RHOBTB2: variants seen among roughly 807,000 people sequenced by gnomAD.
RHOBTB2 encodes Rho related BTB domain containing 2.
A neutral mutation model predicts 66.5 loss-of-function variants in RHOBTB2; 39 were observed. The observed-to-expected ratio is 0.59, with a 90% confidence interval of 0.45 to 0.77. RHOBTB2 has a LOEUF of 0.77. Ranked by LOEUF, RHOBTB2 falls within the 30% of genes least tolerant of loss-of-function variation. The pLI is 0.00. For synonymous variants in RHOBTB2, 390 were observed against 395.0 expected, an observed-to-expected ratio of 0.99 and a Z score of 0.15; for missense variants, 755 against 999.1, an observed-to-expected ratio of 0.76 and a Z score of 3.29.
Position 23,017,297 on chromosome 8 carries a change from A to T in RHOBTB2, c.2012A>T (p.Tyr671Phe). 6.2e-7 allele frequency: 1 copy of T among 1,614,120 alleles called. No individual in the cohort carries two copies. The change falls in exon 10 of 10, where the codon TAC becomes TTC. Residue 671 changes from tyrosine to phenylalanine, a missense_variant. Physicochemically the swap from Tyr to Phe is conservative, Grantham distance 22. Around this residue, in one of 7 missense-constraint regions of RHOBTB2, gnomAD observed 353 missense variants for 458.2 expected, o/e 0.77. Coordinates refer to ENST00000251822, the MANE Select transcript of RHOBTB2 (RefSeq NM_015178.3). The surrounding 1 kb of genome is among the most constrained non-coding windows in gnomAD (Gnocchi z 5.3). ...FEKHRWPPVW[Y>F]LKEEDHYQRA... ...AAGCATCGGTGGCCACCTGTGTGGT[A>T]CCTGAAGGAGGAAGATCATTACCAG...
At chr8:22,965,499 G>C in the RHOBTB2 span, among the ~76,000 whole-genome samples, 1 of 152,160 alleles carries the variant, frequency 6.6e-6, no homozygotes, top group Non-Finnish European at 1.5e-5. Flanking sequence ...GCACAATAAA[G>C]TTAGAAGACT....
At chr8:22,992,330 G>C (rs1810446173) in intron 2 of RHOBTB2, 1 of 151,958 alleles carries the variant, frequency 6.6e-6, no homozygotes, top group Admixed American at 6.6e-5. Context: ...TTTTTTCCAT[G>C]CTGCAAGAGA....
At chr8:22,990,130 C>T (rs1810388767) in intron 1 of RHOBTB2, among the ~76,000 whole-genome samples, 1 of 152,170 alleles carries the variant, frequency 6.6e-6, no homozygotes, top group South Asian at 2.1e-4. Context: ...TTATCATCCT[C>T]ACCATCTCTT....
In RHOBTB2 at chr8:23,015,670, T is replaced by G. The variant is rs1811269902; in HGVS notation, c.1893T>G (p.Cys631Trp). 6.2e-7 allele frequency: 1 copy of G among 1,613,644 alleles called. No individual in the cohort carries two copies. The change falls in exon 9 of 10, where the codon TGT becomes TGG. Residue 631 changes from cysteine to tryptophan, a missense_variant. Transcript: ENST00000251822. The stretch of plus-strand genomic sequence containing the variant: ...GTGCGTACCAGCTGGCCGACTGGTG[T>G]CTCCACCACATCTGCACCAACTACA... ...FHCAYQLADW[C>W]LHHICTNYNN...
Position 23,007,130 on chromosome 8 carries a change from G to T in RHOBTB2, c.885G>T (p.Leu295=). 6.2e-7 allele frequency: 1 copy of T among 1,609,162 alleles called. No individual in the cohort carries two copies. Among genetic ancestry groups the T allele is most frequent in the Non-Finnish European group, 8.5e-7 (1 of 1,179,828 alleles). ...LSTSSSKFYD[L]FLMDLSEGEL... is the part of the protein sequence containing the mutation. Reference sequence around the variant, plus strand: ...CCTCTTCCTCCAAGTTCTATGACCTGTTCCTCATGGACCTGAGTGAGGGGG... The same window carrying T: ...CCTCTTCCTCCAAGTTCTATGACCTTTTCCTCATGGACCTGAGTGAGGGGG... Residue 295 remains leucine (L), a synonymous_variant, in exon 5 of 10, where the codon CTG becomes CTT. Transcript: ENST00000251822.
intron 2 of RHOBTB2, 134 bp from the exon 3 acceptor site, chr8:23,005,238 C>T (rs1406627877): frequency 3.4e-5 from 22 of 646,950 alleles, no homozygotes; most frequent in South Asian, 1.0e-4. Flanking sequence ...GCACAGTGGG[C>T]GATGCCAGCC....
At chr8:22,980,087 T>C in the RHOBTB2 span, among the ~76,000 whole-genome samples, 4 of 152,040 alleles carry the variant, frequency 2.6e-5, no homozygotes, top group Admixed American at 2.6e-4. Context: ...AGCCTCTTAA[T>C]ATATATGTAG....
At chr8:22,972,619 G>T in the RHOBTB2 span, among the ~76,000 whole-genome samples, 1 of 152,196 alleles carries the variant, frequency 6.6e-6, no homozygotes, top group African/African-American at 2.4e-5. Context: ...AAAGCCTTTT[G>T]CTCAGTGGTT....
At chr8:22,988,407 CCA>C (rs1448660286) in intron 1 of RHOBTB2, among the ~76,000 whole-genome samples, 1 of 151,994 alleles carries the variant, frequency 6.6e-6, no homozygotes, top group Non-Finnish European at 1.5e-5. Context: ...AGTGACCCGC[CCA>C]CCTCGGCCTC....
At chr8:22,957,346 A>C in the RHOBTB2 span, among the ~76,000 whole-genome samples, 1 of 152,112 alleles carries the variant, frequency 6.6e-6, no homozygotes, top group Admixed American at 6.6e-5. Context: ...TTTGAGAGGA[A>C]ATACTCTGAG....
the RHOBTB2 span, among the ~76,000 whole-genome samples, chr8:22,981,646 A>G: frequency 6.6e-6 from 1 of 152,132 alleles, no homozygotes; most frequent in Admixed American, 6.5e-5. Context: ...CAGAGGTGGG[A>G]GGTGGGGTAG....
At chr8:22,987,919 C>T (rs891376568) in intron 1 of RHOBTB2, among the ~76,000 whole-genome samples, 1 of 152,124 alleles carries the variant, frequency 6.6e-6, no homozygotes, top group South Asian at 2.1e-4. Flanking sequence ...ATGCCACTCT[C>T]TCCTTGTGAC....
Position 23,005,975 on chromosome 8 carries a change from T to C in RHOBTB2, c.312T>C (p.Val104=). 1 of 1,613,008 alleles carries C rather than the reference T, an allele frequency of 6.2e-7. No homozygotes were observed. The highest frequency in any genetic ancestry group is 8.5e-7 in the Non-Finnish European group (1 of 1,179,092). The part of the protein sequence containing the change: ...RFAYGRSDVV[V]LCFSIANPNS... ...CCACCCGCAGATCTGATGTGGTGGT[T>C]CTGTGCTTCTCCATTGCCAACCCCA... Residue 104 remains valine (V), a synonymous_variant, in exon 4 of 10, where the codon GTT becomes GTC. Transcript: ENST00000251822.
At chr8:22,951,145 T>C in the RHOBTB2 span, among the ~76,000 whole-genome samples, 1 of 152,182 alleles carries the variant, frequency 6.6e-6, no homozygotes, top group African/African-American at 2.4e-5. Context: ...ATGATGTAAC[T>C]GAGCAACCCC....
At chr8:22,974,471 T>C in the RHOBTB2 span, among the ~76,000 whole-genome samples, 2 of 152,164 alleles carry the variant, frequency 1.3e-5, no homozygotes. Flanking sequence ...CCAGACAAGC[T>C]GGGGGCCCAC....
intron 8 of RHOBTB2, among the ~76,000 whole-genome samples, chr8:23,014,981 C>T (rs1811249677): frequency 1.3e-5 from 2 of 152,086 alleles, no homozygotes. Flanking sequence ...GGGGAGCTGA[C>T]CAAGTGGGGA....
the RHOBTB2 span, among the ~76,000 whole-genome samples, chr8:22,975,616 C>T: frequency 3.9e-5 from 6 of 152,128 alleles, no homozygotes; most frequent in South Asian, 2.1e-4. Context: ...TCAAACCTGA[C>T]GGATGGGCAG....
upstream of RHOBTB2, among the ~76,000 whole-genome samples, chr8:22,996,589 C>T (rs78520230): frequency 0.012 from 1,530 of 123,924 alleles, 62 homozygotes; most frequent in African/African-American, 0.046. Context: ...GTGTATGTAA[C>T]GGAATGGAGG....
chr8:23,009,460 G>A (rs1031574811), intron 6 of RHOBTB2, among the ~76,000 whole-genome samples: 2 of 152,138 alleles, frequency 1.3e-5, no homozygotes, highest in African/African-American at 4.8e-5. Context: ...ACTGAGTGTC[G>A]TCGAACCTTG....
Sources: gnomAD v4.1 joint callset for allele counts (sites outside exome capture counted in the v4.1 genomes callset) on GRCh38, gnomAD v4.1.1 for gene constraint, gnomAD v4.1.1 regional missense constraint, Gnocchi (gnomAD v3.1) non-coding constraint, MANE v1.5 for transcripts, NCBI Gene and HGNC (gene_info 2026-07-23, HGNC 2026-07-21) for gene names.